The following BTBD9 variants were observed in gnomAD, a reference collection of about 807,000 sequenced individuals.
The protein encoded by BTBD9 is BTB/POZ domain-containing protein 9.
In BTBD9, 49 loss-of-function variants were observed where a neutral mutation model predicts 64.3. The ratio of observed to expected loss-of-function variants is 0.76; its 90% CI spans 0.61 to 0.97. The LOEUF is 0.97. BTBD9 is among the 50% of genes least tolerant of loss of function. BTBD9 has a pLI of 0.00. For synonymous variants in BTBD9, 260 were observed against 274.7 expected, an observed-to-expected ratio of 0.95 and a Z score of 0.53; for missense variants, 598 against 762.1, an observed-to-expected ratio of 0.78 and a Z score of 2.53.
intron 9 of BTBD9, chr6:38,193,877 T>G: frequency 1.0e-6 from 1 of 985,422 alleles, no homozygotes; most frequent in Non-Finnish European, 1.2e-6. Flanking sequence ...CCACTGAGAT[T>G]GATTCACTGC....
chr6:38,325,100 T>C (rs1336145576), intron 7 of BTBD9, among the ~76,000 whole-genome samples: 1 of 152,202 alleles, frequency 6.6e-6, no homozygotes, highest in African/African-American at 2.4e-5. Context: ...AGACACATGA[T>C]GTATAAATCT....
At chr6:38,502,140 A>G (rs1355671332) in intron 6 of BTBD9, among the ~76,000 whole-genome samples, 1 of 152,170 alleles carries the variant, frequency 6.6e-6, no homozygotes, top group Non-Finnish European at 1.5e-5. Flanking sequence ...GGGATGTTGT[A>G]AAGGGGATTC....
intron 4 of BTBD9, among the ~76,000 whole-genome samples, chr6:38,589,747 A>C (rs1370882612): frequency 6.6e-6 from 1 of 152,188 alleles, no homozygotes; most frequent in Non-Finnish European, 1.5e-5. Context: ...TTACTTATCA[A>C]CTAATCACAA....
At chr6:38,622,912 C>T (rs185023463) in intron 1 of BTBD9, among the ~76,000 whole-genome samples, 2 of 152,302 alleles carry the variant, frequency 1.3e-5, no homozygotes, top group East Asian at 3.9e-4. Flanking sequence ...GCAGCACCCC[C>T]ACCACTAATG....
At position 38,249,672 on chromosome 6, in the gene BTBD9, G is replaced by A. The variant is rs542049155; in HGVS notation, c.1562+6737C>T. Among the ~76,000 whole-genome samples, 5 of 151,878 alleles carry A rather than the reference G, an allele frequency of 3.3e-5. No homozygotes were observed. In the East Asian group the frequency reaches 5.8e-4, roughly 18 times the overall value. ...ACAGCACCAGGTATTTCTTCCCTTCGGGAGTCTTTGTAGCAGTCAACACAA... is the reference window on the plus strand; with the variant it reads ...ACAGCACCAGGTATTTCTTCCCTTCAGGAGTCTTTGTAGCAGTCAACACAA... On this transcript the variant is annotated intron_variant, in intron 9 of 10. Coordinates refer to ENST00000481247, the MANE Select transcript of BTBD9 (RefSeq NM_001099272.2).
intron 6 of BTBD9, among the ~76,000 whole-genome samples, chr6:38,528,324 C>T (rs1773607568): frequency 6.6e-6 from 1 of 152,184 alleles, no homozygotes; most frequent in Non-Finnish European, 1.5e-5. Flanking sequence ...CCGGGGCCTT[C>T]AATGAACTGG....
At chr6:38,317,720 T>A (rs1562016202) in intron 7 of BTBD9, among the ~76,000 whole-genome samples, 1 of 152,192 alleles carries the variant, frequency 6.6e-6, no homozygotes, top group South Asian at 2.1e-4. Flanking sequence ...CTGTGTAATT[T>A]CAAACAGCCT....
At chr6:38,381,375 A>G (rs551775827) in intron 6 of BTBD9, among the ~76,000 whole-genome samples, 7 of 152,328 alleles carry the variant, frequency 4.6e-5, no homozygotes, top group Non-Finnish European at 8.8e-5. Flanking sequence ...GAGGGTAACT[A>G]TATACTGATA....
chr6:38,504,430 C>T (rs1255751054), intron 6 of BTBD9: 2 of 379,422 alleles, frequency 5.3e-6, no homozygotes, highest in Admixed American at 6.2e-5. Flanking sequence ...TATAATTTTC[C>T]TTCCTCCCTT....
intron 6 of BTBD9, among the ~76,000 whole-genome samples, chr6:38,440,185 A>G (rs1025078289): frequency 3.9e-5 from 6 of 152,122 alleles, no homozygotes; most frequent in Non-Finnish European, 8.8e-5. Context: ...GATTGAGGTC[A>G]CCAAATTTGA....
chr6:38,507,903 G>A (rs1419108553), intron 6 of BTBD9, among the ~76,000 whole-genome samples: 2 of 146,444 alleles, frequency 1.4e-5, no homozygotes, highest in Middle Eastern at 3.7e-3. Flanking sequence ...GCGCGATCTC[G>A]GCTCACTTTA....
intron 6 of BTBD9, among the ~76,000 whole-genome samples, chr6:38,492,994 A>T (rs1226393509): frequency 6.6e-6 from 1 of 152,206 alleles, no homozygotes; most frequent in Non-Finnish European, 1.5e-5. Flanking sequence ...CCCTTAAAAA[A>T]TTGTCCATTC....
At chr6:38,299,224 T>G (rs1250834194) in intron 7 of BTBD9, among the ~76,000 whole-genome samples, 2 of 152,260 alleles carry the variant, frequency 1.3e-5, no homozygotes, top group Non-Finnish European at 2.9e-5. Flanking sequence ...CCATGGTGTG[T>G]ATGTGCCACA....
At chr6:38,560,702 T>G (rs765427805) in intron 6 of BTBD9, among the ~76,000 whole-genome samples, 1 of 152,162 alleles carries the variant, frequency 6.6e-6, no homozygotes, top group Non-Finnish European at 1.5e-5. Flanking sequence ...TAGTACCCAA[T>G]AGCTATTTTT....
At chr6:38,395,016 C>A (rs896791820) in intron 6 of BTBD9, among the ~76,000 whole-genome samples, 2 of 151,834 alleles carry the variant, frequency 1.3e-5, no homozygotes, top group African/African-American at 4.8e-5. Flanking sequence ...TTATTTCCCA[C>A]CCCCAAAGTT....
At chr6:38,421,035 T>C (rs956125709) in intron 6 of BTBD9, among the ~76,000 whole-genome samples, 4 of 152,022 alleles carry the variant, frequency 2.6e-5, no homozygotes, top group African/African-American at 9.7e-5. Context: ...TATTTTCTTT[T>C]ATGATGTCTT....
chr6:38,596,079 G>C (rs768933011), intron 2 of BTBD9: 33 of 984,508 alleles, frequency 3.4e-5, no homozygotes, highest in Non-Finnish European at 2.1e-5. Flanking sequence ...GGAATTGATA[G>C]GCTATTATGA....
chr6:38,288,494 A>G (rs1365501320), intron 7 of BTBD9, 33 bp from the exon 8 acceptor site: 3 of 1,591,678 alleles, frequency 1.9e-6, no homozygotes, highest in Non-Finnish European at 2.6e-6. Flanking sequence ...TGGCATCAGG[A>G]TAAGAGAAGC....
chr6:38,446,264 T>C (rs2127324765), intron 6 of BTBD9, among the ~76,000 whole-genome samples: 1 of 152,192 alleles, frequency 6.6e-6, no homozygotes, highest in African/African-American at 2.4e-5. Context: ...ATGCACCCTG[T>C]ACTTCTGCCA....
Sources: gnomAD v4.1 joint callset for allele counts (sites outside exome capture counted in the v4.1 genomes callset) on GRCh38, gnomAD v4.1.1 for gene constraint, MANE v1.5 for transcripts, NCBI Gene and HGNC (gene_info 2026-07-23, HGNC 2026-07-21) for gene names.